Variants in CSMD1 observed in about 807,000 individuals in gnomAD.
CSMD1 encodes the protein CUB and Sushi multiple domains 1, also known as CUB and sushi domain-containing protein 1.
CSMD1 carries 213 observed loss-of-function variants against 417.5 expected under a neutral mutation model. The observed-to-expected ratio is 0.51, with a 90% confidence interval of 0.46 to 0.57. The LOEUF (loss-of-function observed/expected upper bound fraction) is 0.57. Among genes scored for constraint, CSMD1 ranks in the 20% least tolerant of loss-of-function variants. The pLI is 0.00. For missense variants in CSMD1, 6,923 were observed against 4,529.7 expected, an observed-to-expected ratio of 1.53 and a Z score of -15.17; for synonymous variants, 2,862 against 1,736.8, an observed-to-expected ratio of 1.65 and a Z score of -16.11.
At chr8:3,365,599 G>C (rs1378493505) in intron 20 of CSMD1, among the ~76,000 whole-genome samples, 1 of 152,164 alleles carries the variant, frequency 6.6e-6, no homozygotes, top group Non-Finnish European at 1.5e-5. Flanking sequence ...ATGTCATCAA[G>C]ACTTACCTTA....
rs561189225 is a variant in CSMD1 at position 3,756,612 on chromosome 8, G to A, written c.819-2570C>T. ...TGCACTGATATTTATTCAATCCCCT[G>A]TAAGTTTCCATTTCATATGGTGATA... On this transcript the variant is annotated intron_variant, in intron 5 of 69. Coordinates refer to ENST00000635120, the MANE Select transcript of CSMD1 (RefSeq NM_033225.6). Among the ~76,000 whole-genome samples the A allele has an allele frequency of 3.3e-5, 5 of 152,126 alleles. No homozygotes were observed. The South Asian group carries it at 6.2e-4, about 19-fold the overall frequency.
chr8:3,943,360 A>G (rs1378613440), intron 5 of CSMD1, among the ~76,000 whole-genome samples: 2 of 107,304 alleles, frequency 1.9e-5, no homozygotes, highest in East Asian at 9.4e-4. Context: ...CAATTTTGTT[A>G]AAAAAAAAAA....
At chr8:4,455,314 A>T (rs1261361809) in intron 2 of CSMD1, among the ~76,000 whole-genome samples, 7 of 152,226 alleles carry the variant, frequency 4.6e-5, no homozygotes, top group African/African-American at 9.6e-5. Context: ...TTAGCAAAGA[A>T]GATGATCACA....
intron 3 of CSMD1, among the ~76,000 whole-genome samples, chr8:4,334,673 C>A (rs886734746): frequency 5.3e-5 from 8 of 152,096 alleles, no homozygotes; most frequent in African/African-American, 1.9e-4. Flanking sequence ...AGCTGTAAAT[C>A]CTCAAAGCCT....
chr8:4,712,279 A>G (rs1245307912), intron 1 of CSMD1, among the ~76,000 whole-genome samples: 1 of 152,224 alleles, frequency 6.6e-6, no homozygotes, highest in African/African-American at 2.4e-5. Flanking sequence ...TGTAGGTGAG[A>G]GTACACTTCA....
At chr8:3,285,613 G>A (rs569896864) in intron 25 of CSMD1, among the ~76,000 whole-genome samples, 1 of 151,954 alleles carries the variant, frequency 6.6e-6, no homozygotes, top group South Asian at 2.1e-4. Flanking sequence ...TGACCAGGCT[G>A]GTCTTGAACT....
At chr8:3,514,328 G>A (rs1012563312) in intron 10 of CSMD1, among the ~76,000 whole-genome samples, 3 of 152,130 alleles carry the variant, frequency 2.0e-5, no homozygotes, top group Non-Finnish European at 4.4e-5. Flanking sequence ...TTTTGGCTAG[G>A]TGGCTGATCT....
intron 3 of CSMD1, among the ~76,000 whole-genome samples, chr8:4,147,246 C>A (rs528907809): frequency 6.6e-6 from 1 of 152,116 alleles, no homozygotes; most frequent in Non-Finnish European, 1.5e-5. Context: ...CTGCCTACCT[C>A]GAATCCTTCA....
At chr8:4,647,343 G>C (rs1189366296) in intron 1 of CSMD1, among the ~76,000 whole-genome samples, 4 of 151,314 alleles carry the variant, frequency 2.6e-5, no homozygotes, top group Non-Finnish European at 4.4e-5. Context: ...CTGCTACGTA[G>C]GTACGCGTGT....
At chr8:4,770,724 GT>G (rs35989530) in intron 1 of CSMD1, among the ~76,000 whole-genome samples, 60,200 of 151,706 alleles carry the variant, frequency 0.4, 12,356 homozygotes, top group Admixed American at 0.56. Context: ...GAATAATCTT[GT>G]CAAAAAATGG....
chr8:3,128,916 A>G (rs1817650173), intron 41 of CSMD1: 1 of 446,108 alleles, frequency 2.2e-6, no homozygotes, highest in Non-Finnish European at 4.5e-6. Context: ...GCAAGAGACA[A>G]AGGGAAAGCA....
chr8:3,740,677 G>C (rs548454014), intron 6 of CSMD1, among the ~76,000 whole-genome samples: 5 of 152,180 alleles, frequency 3.3e-5, no homozygotes, highest in African/African-American at 1.2e-4. Flanking sequence ...AGATGTATTG[G>C]GGAAGAGGAG....
intron 23 of CSMD1, among the ~76,000 whole-genome samples, chr8:3,314,583 T>C (rs1805604505): frequency 6.6e-6 from 1 of 152,210 alleles, no homozygotes; most frequent in African/African-American, 2.4e-5. Context: ...AGTAATTCTA[T>C]TTCTTTGTTT....
chr8:3,338,164 A>T (rs1807397256), intron 23 of CSMD1, among the ~76,000 whole-genome samples: 1 of 152,180 alleles, frequency 6.6e-6, no homozygotes, highest in Non-Finnish European at 1.5e-5. Context: ...CAGCCACAAG[A>T]CACAACGTAT....
At chr8:4,263,686 C>T (rs1462167727) in intron 3 of CSMD1, among the ~76,000 whole-genome samples, 5 of 152,104 alleles carry the variant, frequency 3.3e-5, no homozygotes, top group Non-Finnish European at 7.3e-5. Context: ...ATTTATATCA[C>T]CTTAATTTAA....
chr8:4,603,737 T>C (rs1194181532), intron 2 of CSMD1, among the ~76,000 whole-genome samples: 3 of 152,192 alleles, frequency 2.0e-5, no homozygotes, highest in African/African-American at 7.2e-5. Flanking sequence ...GAAAAAATAT[T>C]GTTAGACAAT....
intron 5 of CSMD1, among the ~76,000 whole-genome samples, chr8:3,991,660 G>A (rs1439221673): frequency 2.6e-5 from 4 of 152,130 alleles, no homozygotes; most frequent in Non-Finnish European, 5.9e-5. Flanking sequence ...ATGCACTAAG[G>A]CAGAAGGTTG....
At chr8:4,546,010 C>G (rs1276718890) in intron 2 of CSMD1, among the ~76,000 whole-genome samples, 1 of 152,218 alleles carries the variant, frequency 6.6e-6, no homozygotes, top group East Asian at 1.9e-4. Flanking sequence ...ATTCCATCCA[C>G]AGCTGCATCT....
At chr8:3,356,142 G>A (rs919783123) in intron 21 of CSMD1, among the ~76,000 whole-genome samples, 1 of 152,142 alleles carries the variant, frequency 6.6e-6, no homozygotes, top group Non-Finnish European at 1.5e-5. Context: ...TAACTCAGTC[G>A]ACATCCTTAG....
Sources: gnomAD v4.1 joint callset for allele counts (sites outside exome capture counted in the v4.1 genomes callset) on GRCh38, gnomAD v4.1.1 for gene constraint, MANE v1.5 for transcripts, NCBI Gene and HGNC (gene_info 2026-07-23, HGNC 2026-07-21) for gene names.